FASTKD1: variants seen among roughly 807,000 people sequenced by gnomAD.
FASTKD1 encodes the protein FAST kinase domains 1, also known as FAST kinase domain-containing protein 1, mitochondrial.
FASTKD1 carries 94 observed loss-of-function variants against 90.9 expected under a neutral mutation model. That is an observed-to-expected ratio of 1.03 (90% CI 0.88 to 1.23). The LOEUF (loss-of-function observed/expected upper bound fraction) is 1.23. Among genes scored for constraint, FASTKD1 ranks in the 50% most tolerant of loss-of-function variants. The pLI, the probability that FASTKD1 is intolerant of heterozygous loss-of-function variation, is 0.00. For missense variants in FASTKD1, 945 were observed against 993.5 expected (o/e 0.95, Z 0.66); for synonymous variants, 319 against 345.8 (o/e 0.92, Z 0.86).
intron 2 of FASTKD1, among the ~76,000 whole-genome samples, chr2:169,569,826 C>T (rs1684151968): frequency 1.3e-5 from 2 of 151,942 alleles, no homozygotes; most frequent in Non-Finnish European, 1.5e-5. Flanking sequence ...ACTCCAGCCT[C>T]GGTGACAGAG....
intron 5 of FASTKD1, chr2:169,560,131 G>A (rs1356596949): frequency 1.3e-5 from 3 of 238,140 alleles, no homozygotes; most frequent in Admixed American, 5.6e-5. Flanking sequence ...AAAAACACAT[G>A]GCGTTTCCCC....
chr2:169,537,868 C>G, intron 11 of FASTKD1, 145 bp downstream of exon 11: 1 of 616,618 alleles, frequency 1.6e-6, no homozygotes, highest in Non-Finnish European at 2.7e-6. Flanking sequence ...GTTTCACCTA[C>G]AATATCTCAT....
At chr2:169,563,821 C>T (rs2105425775) in intron 3 of FASTKD1, among the ~76,000 whole-genome samples, 1 of 152,204 alleles carries the variant, frequency 6.6e-6, no homozygotes, top group African/African-American at 2.4e-5. Flanking sequence ...CTGCAAAAAA[C>T]CCGAATGTCC....
Position 169,529,641 on chromosome 2 carries a change from C to G in FASTKD1, c.*184G>C, listed in dbSNP as rs1355416976. 1 of 540,946 alleles carries G rather than the reference C, an allele frequency of 1.8e-6. No individual in the cohort carries two copies. Among genetic ancestry groups the G allele is most frequent in the Non-Finnish European group, 3.3e-6 (1 of 301,002 alleles). 33.5% of individuals were successfully genotyped at this position (540,946 alleles called of 1,614,324 possible). ...GACTCTGTTATCTCTTATCTTTTCT[C>G]TTATACACTCCCACCCCACTCCCCA... On this transcript the variant is annotated 3_prime_UTR_variant, in exon 15 of 15. Coordinates refer to ENST00000453153, the MANE Select transcript of FASTKD1 (RefSeq NM_024622.6).
At position 169,555,210 on chromosome 2, in the gene FASTKD1, T is replaced by C. The variant is rs1280847078; in HGVS notation, c.1128A>G (p.Leu376=). The C allele has an allele frequency of 6.2e-7, 1 of 1,612,088 alleles. No individual in the cohort carries two copies. The highest frequency in any genetic ancestry group is 8.5e-7 in the Non-Finnish European group (1 of 1,178,780). The change falls in exon 7 of 15, where the codon TTA becomes TTG. Residue 376 remains leucine, a synonymous_variant. Transcript: ENST00000453153. ...LHKHLDGYKP[L]ELLKITQELT... is the part of the protein sequence containing the mutation. ...ATTCTTGAGTTATCTTCAACAACTC[T>C]AATGGTTTATAGCCATCCAAATGTT...
chr2:169,546,681 G>C lies in FASTKD1; in HGVS notation c.1238C>G (p.Pro413Arg). 1 of 1,591,396 alleles carries C rather than the reference G, an allele frequency of 6.3e-7. No individual in the cohort carries two copies. Among genetic ancestry groups the C allele is most frequent in the Non-Finnish European group, 8.5e-7 (1 of 1,170,082 alleles). Residue 413 changes from proline (P) to arginine (R), a missense_variant, in exon 8 of 15, where the codon CCA (proline) becomes CGA (arginine). Physicochemically the swap from Pro to Arg is moderately radical, Grantham distance 103. Coordinates refer to ENST00000453153, the MANE Select transcript of FASTKD1 (RefSeq NM_024622.6). ...LLSYLKNSFI[P>R]TEVSVLVRAI... ...ACGGACCAGAACAGACACCTCAGTT[G>C]GTATGAAACTATTTTTCAAATAACT...
At chr2:169,537,604 G>C (rs1477012933) in intron 11 of FASTKD1, among the ~76,000 whole-genome samples, 2 of 151,998 alleles carry the variant, frequency 1.3e-5, no homozygotes, top group Non-Finnish European at 2.9e-5. Context: ...GGCTGGTCTC[G>C]AACTCCTGAC....
intron 6 of FASTKD1, among the ~76,000 whole-genome samples, chr2:169,556,880 G>A (rs937176645): frequency 2.0e-5 from 3 of 150,748 alleles, no homozygotes; most frequent in Admixed American, 6.6e-5. Context: ...GGTGGTGGGC[G>A]CCTGTAGTCC....
At chr2:169,543,573 T>C (rs976213004) in intron 9 of FASTKD1, among the ~76,000 whole-genome samples, 1 of 152,200 alleles carries the variant, frequency 6.6e-6, no homozygotes, top group Non-Finnish European at 1.5e-5. Flanking sequence ...GATACCAGTA[T>C]TGTAGTTACA....
chr2:169,531,275 T>G (rs1574360984), intron 13 of FASTKD1, 77 bp downstream of exon 13: 2 of 1,438,678 alleles, frequency 1.4e-6, no homozygotes, highest in Non-Finnish European at 2.0e-6. Context: ...CTTCAATCCT[T>G]GATCACTGAC....
chr2:169,551,522 C>A (rs928923034), intron 7 of FASTKD1, among the ~76,000 whole-genome samples: 2 of 152,142 alleles, frequency 1.3e-5, no homozygotes, highest in African/African-American at 4.8e-5. Flanking sequence ...ACTGACCAGG[C>A]GCAGTGGCTC....
rs35933910 is a variant in FASTKD1, at chr2:169,560,521, T to C, written c.837A>G (p.Gln279=). ...SKILSVYKFL[Q]FNSFEFIIMA... ...TTATAATAAATTCAAAACTATTAAA[T>C]TGTAGAAATTTGTATACACTAAGTA... The change falls in exon 5 of 15, where the codon CAA becomes CAG. Residue 279 remains glutamine (Q), a synonymous_variant. Coordinates refer to ENST00000453153, the MANE Select transcript of FASTKD1 (RefSeq NM_024622.6). 0.036 allele frequency: 58,034 copies of C among 1,602,746 alleles called. 1,333 individuals are homozygous for C. Among genetic ancestry groups the C allele is most frequent in the East Asian group, 0.11 (4,922 of 44,708 alleles).
intron 6 of FASTKD1, among the ~76,000 whole-genome samples, chr2:169,555,968 A>T (rs1358836793): frequency 6.6e-6 from 1 of 152,158 alleles, no homozygotes; most frequent in Non-Finnish European, 1.5e-5. Context: ...TGAGCCCAGG[A>T]GTTCAAGATC....
chr2:169,568,628 T>TAAAAAAAAAA (rs10618482), intron 3 of FASTKD1, among the ~76,000 whole-genome samples: 2 of 41,506 alleles, frequency 4.8e-5, no homozygotes, highest in Non-Finnish European at 9.9e-5. Context: ...CCCTGTCCAT[T>TAAAAAAAAAA]AAAAAAAAAA....
intron 3 of FASTKD1, among the ~76,000 whole-genome samples, chr2:169,566,905 A>T (rs1230334714): frequency 1.3e-5 from 2 of 152,158 alleles, no homozygotes; most frequent in Non-Finnish European, 2.9e-5. Flanking sequence ...TCACGAGGTC[A>T]GGAGTTTGAG....
chr2:169,531,245 T>C (rs1159326064), intron 13 of FASTKD1, 107 bp downstream of exon 13: 2 of 1,157,442 alleles, frequency 1.7e-6, no homozygotes, highest in African/African-American at 1.5e-5. Context: ...GCATGACATA[T>C]GAGGAACAGA....
At chr2:169,537,467 C>A in intron 11 of FASTKD1, 127 bp from the exon 12 acceptor site, 1 of 541,474 alleles carries the variant, frequency 1.8e-6, no homozygotes, top group Non-Finnish European at 3.2e-6. Flanking sequence ...TCACTGCAAC[C>A]TCTGCCTCCC....
Position 169,546,439 on chromosome 2 carries a change from T to C in FASTKD1, c.1480A>G (p.Ser494Gly). The change falls in exon 8 of 15, where the codon AGC becomes GGC. Residue 494 changes from serine (S) to glycine (G), a missense_variant. By Grantham distance (56) the Ser-to-Gly change is moderately conservative. Coordinates refer to ENST00000453153, the MANE Select transcript of FASTKD1 (RefSeq NM_024622.6). ...DHYGRQRLQH[S>G]NSLDLLRKEL... ...TTCCGTAACAGATCCAAACTGTTGC[T>C]GTGTTGTAGTCTCTGACGACCATAG... The C allele has an allele frequency of 6.2e-7, 1 of 1,614,222 alleles. No individual in the cohort carries two copies. The highest frequency in any genetic ancestry group is 2.2e-5 in the East Asian group (1 of 44,882).
intron 4 of FASTKD1, 146 bp downstream of exon 4, chr2:169,563,079 T>C (rs1020269166): frequency 1.5e-6 from 1 of 668,710 alleles, no homozygotes; most frequent in Admixed American, 3.0e-5. Flanking sequence ...GCTATTACTA[T>C]CCCTCTTTTG....
Sources: allele counts gnomAD v4.1 joint callset (sites outside exome capture counted in the v4.1 genomes callset), GRCh38; gene constraint gnomAD v4.1.1; transcripts MANE v1.5; gene names NCBI Gene and HGNC (gene_info 2026-07-23, HGNC 2026-07-21).